Variants in STS observed in about 807,000 individuals in gnomAD.
STS encodes steroid sulfatase.
Under a neutral mutation model 26.8 loss-of-function variants are expected in STS, and 7 were observed. That is an observed-to-expected ratio of 0.26 (90% CI 0.15 to 0.49). The LOEUF (loss-of-function observed/expected upper bound fraction) is 0.49, where lower values mean the gene tolerates loss of function less well. Ranked by LOEUF, STS falls within the 20% of genes least tolerant of loss-of-function variation. STS has a pLI of 0.98. For missense variants in STS, 434 were observed against 465.6 expected (o/e 0.93, Z 0.63); for synonymous variants, 199 against 189.4 (o/e 1.05, Z -0.42).
chrX:7,196,500 A>G (rs1160920422), intron 2 of STS, among the ~76,000 whole-genome samples: 1 of 78,216 alleles, frequency 1.3e-5, no homozygotes, highest in Non-Finnish European at 2.5e-5. Context: ...GTCCTTTCTT[A>G]CTGTACTGAT....
In STS at chrX:7,153,411, TTCCTCCTGTCC is replaced by T. The variant is rs748352749; in HGVS notation, c.-134+5336_-134+5346del. Among the ~76,000 whole-genome samples, 438 of 98,043 alleles carry T rather than the reference TTCCTCCTGTCC, an allele frequency of 4.5e-3. 4 individuals carry two copies. The highest frequency in any genetic ancestry group is 0.016 in the African/African-American group (409 of 26,331). The allele number at this position is 98,043 out of a possible 115,157, so 85.1% of individuals were successfully genotyped here. On this transcript the variant is annotated intron_variant, in intron 1 of 10. Coordinates refer to ENST00000674429, the MANE Select transcript of STS (RefSeq NM_001320752.2). The stretch of plus-strand genomic sequence containing the variant: ...TTCCTTCCCTTCCTTTCCTCCTGTC[TTCCTCCTGTCC>T]TCCTCCTTGACTCCTTCCCTCTCTC...
chrX:7,262,947 A>T (rs749348008), intron 6 of STS, among the ~76,000 whole-genome samples: 10 of 112,545 alleles, frequency 8.9e-5, no homozygotes, highest in African/African-American at 3.2e-4. Context: ...GGGCTATTTT[A>T]TTATAAAAAT....
chrX:7,217,957 TG>T (rs1165062014), intron 2 of STS, among the ~76,000 whole-genome samples: 5 of 112,127 alleles, frequency 4.5e-5, no homozygotes, highest in African/African-American at 1.6e-4. Context: ...TAAAACATTT[TG>T]TGAGCCCCTA....
intron 3 of STS, 39 bp from the exon 4 acceptor site, chrX:7,257,203 A>G: frequency 1.7e-6 from 2 of 1,207,777 alleles, no homozygotes; most frequent in Non-Finnish European, 2.2e-6. Context: ...TGAACAATAA[A>G]TGAAAATGAT....
At chrX:7,228,799 T>C (rs192733565) in intron 2 of STS, among the ~76,000 whole-genome samples, 1 of 112,505 alleles carries the variant, frequency 8.9e-6, no homozygotes, top group East Asian at 2.8e-4. Context: ...TTTTGATGAA[T>C]AGAAATAGTT....
intron 1 of STS, among the ~76,000 whole-genome samples, chrX:7,188,323 C>T (rs1364334459): frequency 9.0e-6 from 1 of 111,111 alleles, no homozygotes; most frequent in Non-Finnish European, 1.9e-5. Context: ...TGATTGAGGG[C>T]GGGCACTGGG....
At chrX:7,286,833 T>C (rs1413329849) in intron 7 of STS, among the ~76,000 whole-genome samples, 3 of 112,383 alleles carry the variant, frequency 2.7e-5, no homozygotes, top group Non-Finnish European at 3.8e-5. Context: ...CTTTTTAAAA[T>C]ACAAGGCTTT....
At chrX:7,324,574 G>A (rs1230308021) in intron 8 of STS, among the ~76,000 whole-genome samples, 9 of 111,360 alleles carry the variant, frequency 8.1e-5, no homozygotes, top group Non-Finnish European at 1.1e-4. Context: ...GCTATCTGTC[G>A]TGTTGGTATC....
At chrX:7,291,495 T>G (rs916708353) in intron 7 of STS, among the ~76,000 whole-genome samples, 1 of 112,465 alleles carries the variant, frequency 8.9e-6, no homozygotes, top group Non-Finnish European at 1.9e-5. Flanking sequence ...TCTTGTTCAT[T>G]GGGTACCCCA....
At chrX:7,149,702 T>C (rs1871421572) in intron 1 of STS, among the ~76,000 whole-genome samples, 1 of 111,959 alleles carries the variant, frequency 8.9e-6, no homozygotes, top group Non-Finnish European at 1.9e-5. Flanking sequence ...CCAGAAGTCC[T>C]AGATCAAGAT....
chrX:7,339,293 C>G (rs1157956192), intron 10 of STS, among the ~76,000 whole-genome samples: 2 of 111,629 alleles, frequency 1.8e-5, no homozygotes, highest in African/African-American at 6.5e-5. Context: ...CTGAAGCTGA[C>G]CTAATGTGAG....
At chrX:7,240,465 G>A (rs764382689) in intron 2 of STS, among the ~76,000 whole-genome samples, 5 of 85,139 alleles carry the variant, frequency 5.9e-5, no homozygotes, top group African/African-American at 8.7e-5. Context: ...GAGCGCGCGC[G>A]CACACACACA....
At chrX:7,168,310 G>A (rs1465498012) in intron 1 of STS, among the ~76,000 whole-genome samples, 1 of 111,536 alleles carries the variant, frequency 9.0e-6, no homozygotes, top group African/African-American at 3.3e-5. Flanking sequence ...ACAGATGTCT[G>A]GGGGAAACGG....
intron 1 of STS, among the ~76,000 whole-genome samples, chrX:7,164,195 C>A (rs1240279519): frequency 8.9e-6 from 1 of 111,767 alleles, no homozygotes; most frequent in Non-Finnish European, 1.9e-5. Flanking sequence ...TTATATATGA[C>A]ATGAGATATT....
chrX:7,181,801 T>C (rs1044511097), intron 1 of STS, among the ~76,000 whole-genome samples: 1 of 112,155 alleles, frequency 8.9e-6, no homozygotes, highest in African/African-American at 3.2e-5. Context: ...AAGACAATGA[T>C]CAAGCTGGGT....
intron 7 of STS, among the ~76,000 whole-genome samples, chrX:7,290,487 A>C (rs1275603521): frequency 8.9e-6 from 1 of 112,201 alleles, no homozygotes; most frequent in African/African-American, 3.2e-5. Context: ...GTATTATCCC[A>C]TTTTAAAGAT....
intron 8 of STS, among the ~76,000 whole-genome samples, chrX:7,323,896 C>T (rs1311322262): frequency 1.8e-5 from 2 of 110,708 alleles, no homozygotes; most frequent in African/African-American, 6.6e-5. Context: ...ATAGCATCTT[C>T]CAGCCTCTCT....
intron 1 of STS, among the ~76,000 whole-genome samples, chrX:7,181,718 T>G (rs1933684022): frequency 8.9e-6 from 1 of 112,109 alleles, no homozygotes; most frequent in Non-Finnish European, 1.9e-5. Context: ...AGTCTCCTGT[T>G]TGAGGCTGAG....
chrX:7,265,188 G>C (rs5934847), intron 6 of STS, among the ~76,000 whole-genome samples: 39,355 of 109,730 alleles, frequency 0.36, 5,126 homozygotes, highest in East Asian at 0.4. Flanking sequence ...GGCGCTCTTG[G>C]GCCTATTTAA....
Sources: gnomAD v4.1 joint callset for allele counts (sites outside exome capture counted in the v4.1 genomes callset) on GRCh38, gnomAD v4.1.1 for gene constraint, MANE v1.5 for transcripts, NCBI Gene and HGNC (gene_info 2026-07-23, HGNC 2026-07-21) for gene names.